The following PTPRT variants were observed in gnomAD, a reference collection of about 807,000 sequenced individuals.
PTPRT encodes receptor-type tyrosine-protein phosphatase T.
Under a neutral mutation model 176.8 loss-of-function variants are expected in PTPRT, and 56 were observed. The observed-to-expected ratio is 0.32, with a 90% CI of 0.26 to 0.40. The LOEUF is 0.40. Among genes scored for constraint, PTPRT ranks in the 10% least tolerant of loss-of-function variants. The pLI, the probability that PTPRT is intolerant of heterozygous loss-of-function variation, is 1.00. For synonymous variants in PTPRT, 783 were observed against 739.0 expected (o/e 1.06, Z -0.96); for missense variants, 1,540 against 1,908.2 (o/e 0.81, Z 3.60).
At chr20:42,541,755 C>T (rs542437583) in intron 7 of PTPRT, among the ~76,000 whole-genome samples, 5 of 150,562 alleles carry the variant, frequency 3.3e-5, no homozygotes, top group African/African-American at 9.9e-5. Flanking sequence ...GAAGGAAGCC[C>T]AGTGTGATAC....
intron 1 of PTPRT, among the ~76,000 whole-genome samples, chr20:43,156,110 G>C (rs1359870375): frequency 6.6e-6 from 1 of 152,176 alleles, no homozygotes; most frequent in Non-Finnish European, 1.5e-5. Context: ...TGCTGGGTGG[G>C]TCCTTGTGCT....
At chr20:42,545,672 G>A (rs2072661621) in intron 7 of PTPRT, among the ~76,000 whole-genome samples, 1 of 152,122 alleles carries the variant, frequency 6.6e-6, no homozygotes, top group Admixed American at 6.5e-5. Context: ...TTTGAGAAGT[G>A]GTCAGCACTC....
chr20:43,084,724 G>GA (rs918489012), intron 1 of PTPRT, among the ~76,000 whole-genome samples: 2 of 151,544 alleles, frequency 1.3e-5, no homozygotes, highest in Admixed American at 6.6e-5. Flanking sequence ...TTTATAATCA[G>GA]AAAAAAATAA....
intron 15 of PTPRT, among the ~76,000 whole-genome samples, chr20:42,208,662 C>A (rs1458474246): frequency 1.3e-5 from 2 of 151,966 alleles, no homozygotes; most frequent in Non-Finnish European, 2.9e-5. Context: ...GAGTGACCTA[C>A]AAAGAGACTT....
intron 11 of PTPRT, among the ~76,000 whole-genome samples, chr20:42,334,332 G>T (rs948868027): frequency 6.6e-6 from 1 of 152,136 alleles, no homozygotes; most frequent in African/African-American, 2.4e-5. Flanking sequence ...TCCTGACATT[G>T]CCAGATATCT....
chr20:42,544,598 T>G (rs1290158477), intron 7 of PTPRT, among the ~76,000 whole-genome samples: 1 of 152,118 alleles, frequency 6.6e-6, no homozygotes, highest in Non-Finnish European at 1.5e-5. Flanking sequence ...TATGCCAGAC[T>G]TTGGGTAGAG....
chr20:42,128,722 G>C, intron 19 of PTPRT, 32 bp downstream of exon 19: 1 of 1,536,262 alleles, frequency 6.5e-7, no homozygotes, highest in Non-Finnish European at 8.8e-7. Context: ...GCAAAAGCCA[G>C]CCCCAGCCCC....
intron 8 of PTPRT, among the ~76,000 whole-genome samples, chr20:42,468,277 G>T (rs79708596): frequency 1.8e-4 from 28 of 152,290 alleles, no homozygotes; most frequent in Admixed American, 5.9e-4. Flanking sequence ...GCTCCCGGAG[G>T]GGGGTTTCAG....
chr20:43,017,574 C>T (rs1985438699), intron 1 of PTPRT, among the ~76,000 whole-genome samples: 2 of 152,184 alleles, frequency 1.3e-5, no homozygotes, highest in African/African-American at 2.4e-5. Context: ...CCCTCCCCAC[C>T]TCTCCTCACT....
At chr20:42,742,474 T>G (rs1182670425) in intron 6 of PTPRT, among the ~76,000 whole-genome samples, 1 of 152,160 alleles carries the variant, frequency 6.6e-6, no homozygotes, top group Non-Finnish European at 1.5e-5. Flanking sequence ...ACATAGTCAT[T>G]CAGGGACCCA....
At position 42,530,277 on chromosome 20, in the gene PTPRT, C is replaced by T. The variant is rs528952845; in HGVS notation, c.1154-57715G>A. On this transcript the variant is annotated intron_variant, in intron 7 of 30. Coordinates refer to ENST00000373187, the MANE Select transcript of PTPRT (RefSeq NM_007050.6). ...CACCTTCTTTCACAGAAAGTGGGTC[C>T]AACCAAGCACTCCTACCAACCCTCT... is the stretch of plus-strand genomic sequence containing the variant. 2.0e-3 allele frequency among the ~76,000 whole-genome samples: 312 copies of T among 152,296 alleles called. 2 individuals are homozygous for T. The highest frequency in any genetic ancestry group is 7.3e-3 in the African/African-American group (303 of 41,570).
chr20:43,167,366 G>C (rs980160593), intron 1 of PTPRT, among the ~76,000 whole-genome samples: 1 of 152,126 alleles, frequency 6.6e-6, no homozygotes, highest in African/African-American at 2.4e-5. Context: ...CAGTCTCTTA[G>C]TTAAATTTCA....
chr20:42,994,682 C>A (rs1408083919), intron 1 of PTPRT, among the ~76,000 whole-genome samples: 2 of 152,174 alleles, frequency 1.3e-5, no homozygotes, highest in African/African-American at 2.4e-5. Context: ...TATTAATGAG[C>A]AGAATTAAAA....
At chr20:42,186,884 C>T (rs931471255) in intron 16 of PTPRT, among the ~76,000 whole-genome samples, 1 of 152,066 alleles carries the variant, frequency 6.6e-6, no homozygotes, top group Admixed American at 6.5e-5. Flanking sequence ...GATGTAGACT[C>T]ATCAAAACTT....
At chr20:42,973,415 C>T (rs375206197) in intron 1 of PTPRT, among the ~76,000 whole-genome samples, 1 of 152,094 alleles carries the variant, frequency 6.6e-6, no homozygotes, top group Admixed American at 6.5e-5. Flanking sequence ...GCAATCTCCA[C>T]CCCACTTCTT....
chr20:42,684,088 C>T (rs2425519), intron 6 of PTPRT, among the ~76,000 whole-genome samples: 2,882 of 152,266 alleles, frequency 0.019, 102 homozygotes, highest in African/African-American at 0.066. Context: ...AACGGTGACT[C>T]ATTCCTGTAA....
At chr20:42,802,577 T>C (rs1275421244) in intron 2 of PTPRT, among the ~76,000 whole-genome samples, 1 of 152,264 alleles carries the variant, frequency 6.6e-6, no homozygotes, top group Non-Finnish European at 1.5e-5. Flanking sequence ...TACAAGACTT[T>C]GACAGCTGTT....
intron 1 of PTPRT, among the ~76,000 whole-genome samples, chr20:42,981,033 A>T (rs1210627472): frequency 6.6e-6 from 1 of 152,200 alleles, no homozygotes; most frequent in African/African-American, 2.4e-5. Context: ...CTTTTCCTTT[A>T]GTAAACTTAA....
At position 42,072,806 on chromosome 20, in the gene PTPRT, A is replaced by C. The variant is rs114291605; in HGVS notation, c.*8073T>G. 746 of 217,498 alleles carry C rather than the reference A, an allele frequency of 3.4e-3. 13 individuals carry two copies. The highest frequency in any genetic ancestry group is 0.014 in the African/African-American group (645 of 44,524). 13.5% of individuals were successfully genotyped at this position (217,498 alleles called of 1,614,324 possible). A position where few individuals can be genotyped will look rare whatever the true frequency, so the allele number is the denominator to read the frequency against. On this transcript the variant is annotated 3_prime_UTR_variant, in exon 31 of 31. Coordinates refer to ENST00000373187, the MANE Select transcript of PTPRT (RefSeq NM_007050.6). Reference sequence around the variant, plus strand: ...ACAGCTTTATTGTATAGATTTTTTAACACAGCCATGTTACAAACATTGTCA... The same window carrying C: ...ACAGCTTTATTGTATAGATTTTTTACCACAGCCATGTTACAAACATTGTCA...
Sources: gnomAD v4.1 joint callset for allele counts (sites outside exome capture counted in the v4.1 genomes callset) on GRCh38, gnomAD v4.1.1 for gene constraint, MANE v1.5 for transcripts, NCBI Gene and HGNC (gene_info 2026-07-23, HGNC 2026-07-21) for gene names.